The following HNF4G variants were observed in gnomAD, a reference collection of about 807,000 sequenced individuals.
HNF4G encodes hepatocyte nuclear factor 4-gamma.
Under a neutral mutation model 50.9 loss-of-function variants are expected in HNF4G, and 21 were observed. That is an observed-to-expected ratio of 0.41 (90% CI 0.29 to 0.59). The LOEUF is 0.59. HNF4G is among the 20% of genes least tolerant of loss of function. The probability of loss-of-function intolerance (pLI) is 0.26; values close to 1 mark genes in which losing one functional copy is unlikely to be tolerated. For missense variants in HNF4G, 527 were observed against 559.4 expected, an observed-to-expected ratio of 0.94 and a Z score of 0.58; for synonymous variants, 198 against 185.6, an observed-to-expected ratio of 1.07 and a Z score of -0.54.
At chr8:75,522,749 AGCC>A (rs565860562) in intron 2 of HNF4G, among the ~76,000 whole-genome samples, 24 of 152,310 alleles carry the variant, frequency 1.6e-4, no homozygotes, top group African/African-American at 5.5e-4. Context: ...CCACTGATGT[AGCC>A]GCCTGATGAT....
intron 3 of HNF4G, among the ~76,000 whole-genome samples, chr8:75,550,740 G>T (rs1806925015): frequency 6.6e-6 from 1 of 151,114 alleles, no homozygotes. Context: ...AGCAGATCTA[G>T]CTTTCTCTTA....
At position 75,558,915 on chromosome 8, in the gene HNF4G, A is replaced by C. The variant is rs141373967; in HGVS notation, c.1001A>C (p.Glu334Ala). 8 of 1,614,026 alleles carry C rather than the reference A, an allele frequency of 5.0e-6. No individual in the cohort carries two copies. The South Asian group carries it at 8.8e-5, about 18-fold the overall frequency. Residue 334 changes from glutamate (E) to alanine (A), a missense_variant, in exon 8 of 10, where the codon GAG becomes GCG. By Grantham distance (107) the Glu-to-Ala change is moderately radical. This residue lies in a region of HNF4G where 308 missense variants were observed against 301.5 expected (regional missense o/e 1.02). Coordinates refer to ENST00000396423, the MANE Select transcript of HNF4G (RefSeq NM_004133.5). ...TATGACTCCCGGGGGAGGTTTGGAG[A>C]GTTGCTTCTGCTCCTGCCCACACTG... ...RQYDSRGRFG[E>A]LLLLLPTLQS...
chr8:75,442,480 G>T (rs1271891684), intron 1 of HNF4G, among the ~76,000 whole-genome samples: 2 of 152,058 alleles, frequency 1.3e-5, no homozygotes, highest in African/African-American at 4.8e-5. Flanking sequence ...AGGCCAAGGT[G>T]GGAGGATCAC....
chr8:75,515,955 G>A (rs770130364), intron 2 of HNF4G, among the ~76,000 whole-genome samples: 1 of 152,162 alleles, frequency 6.6e-6, no homozygotes, highest in Non-Finnish European at 1.5e-5. Context: ...AGTAGAGACA[G>A]GGTTTCTCAT....
At chr8:75,544,530 CCTAA>C (rs1806716379) in intron 2 of HNF4G, among the ~76,000 whole-genome samples, 1 of 151,916 alleles carries the variant, frequency 6.6e-6, no homozygotes, top group Non-Finnish European at 1.5e-5. Flanking sequence ...AATTTTCAGT[CCTAA>C]AATTTAGAAT....
At chr8:75,484,401 C>T (rs1335294675) in intron 1 of HNF4G, among the ~76,000 whole-genome samples, 2 of 151,248 alleles carry the variant, frequency 1.3e-5, no homozygotes, top group African/African-American at 2.4e-5. Context: ...GTGGAAACAA[C>T]CTTTGAGTTC....
At chr8:75,495,769 C>T (rs143233592) in intron 2 of HNF4G, among the ~76,000 whole-genome samples, 78 of 152,086 alleles carry the variant, frequency 5.1e-4, no homozygotes, top group African/African-American at 1.9e-3. Flanking sequence ...AACTCCTGGC[C>T]TCAAGTGATC....
intron 1 of HNF4G, among the ~76,000 whole-genome samples, chr8:75,486,485 G>A (rs1812500881): frequency 6.6e-6 from 1 of 152,034 alleles, no homozygotes; most frequent in Admixed American, 6.6e-5. Flanking sequence ...AAGCCCTTAG[G>A]AAGAAAATAA....
intron 1 of HNF4G, among the ~76,000 whole-genome samples, chr8:75,448,281 G>T (rs1255216860): frequency 2.5e-4 from 29 of 116,738 alleles, no homozygotes; most frequent in Admixed American, 4.8e-4. Context: ...TGGGGACTGT[G>T]GTGGGGTGGG....
upstream of HNF4G, chr8:75,539,808 G>C: frequency 1.8e-6 from 1 of 548,758 alleles, no homozygotes; most frequent in Non-Finnish European, 3.3e-6. Flanking sequence ...TGCTGAAGAA[G>C]GTTACAGTTT....
intron 2 of HNF4G, among the ~76,000 whole-genome samples, chr8:75,525,590 C>A (rs2130754663): frequency 6.6e-6 from 1 of 152,314 alleles, no homozygotes; most frequent in African/African-American, 2.4e-5. Context: ...AGCCAGCTAG[C>A]TCCACAGGTT....
intron 2 of HNF4G, among the ~76,000 whole-genome samples, chr8:75,514,218 T>C (rs1805831279): frequency 6.6e-6 from 1 of 151,822 alleles, no homozygotes; most frequent in African/African-American, 2.4e-5. Context: ...GTATAATGAT[T>C]TTTTTTGGTC....
In HNF4G at chr8:75,553,076, T is replaced by A. The variant is rs1807009897; in HGVS notation, c.524T>A (p.Ile175Lys). ...TCAAGCCCTGGGTCAAGCACTGACA[T>A]AAACGTTAAGAAAATTGCAAGTATT... is the stretch of plus-strand genomic sequence containing the variant. ...SVSSPGSSTD[I>K]NVKKIASIGD... is the part of the protein sequence containing the mutation. Residue 175 changes from isoleucine (I) to lysine (K), a missense_variant, in exon 5 of 10, where the codon ATA becomes AAA. Physicochemically the swap from Ile to Lys is moderately radical, Grantham distance 102 (BLOSUM62 -3). Transcript: ENST00000396423. 1 of 1,612,582 alleles carries A rather than the reference T, an allele frequency of 6.2e-7. No homozygotes were observed. Among genetic ancestry groups the A allele is most frequent in the African/African-American group, 1.3e-5 (1 of 74,854 alleles).
intron 3 of HNF4G, among the ~76,000 whole-genome samples, chr8:75,548,347 A>G (rs1806851446): frequency 6.6e-6 from 1 of 152,144 alleles, no homozygotes. Context: ...CTTTTGATGA[A>G]CATTGAATGA....
chr8:75,528,632 T>C (rs1412835980), intron 2 of HNF4G, among the ~76,000 whole-genome samples: 3 of 152,168 alleles, frequency 2.0e-5, no homozygotes, highest in Non-Finnish European at 4.4e-5. Flanking sequence ...TTTAAAATGG[T>C]TCAATGCAGA....
chr8:75,418,185 A>C (rs1272233925), intron 1 of HNF4G, among the ~76,000 whole-genome samples: 1 of 152,052 alleles, frequency 6.6e-6, no homozygotes, highest in Non-Finnish European at 1.5e-5. Flanking sequence ...TGGTGTCCTC[A>C]TGTGGCCGCC....
At chr8:75,507,539 G>A (rs1311240949) in intron 2 of HNF4G, among the ~76,000 whole-genome samples, 6 of 152,182 alleles carry the variant, frequency 3.9e-5, no homozygotes, top group Admixed American at 3.3e-4. Context: ...GATTACAGGC[G>A]TGAGCCACTG....
intron 2 of HNF4G, among the ~76,000 whole-genome samples, chr8:75,508,678 A>G (rs966023893): frequency 6.6e-6 from 1 of 152,184 alleles, no homozygotes; most frequent in Admixed American, 6.5e-5. Flanking sequence ...TAGGGGAAGA[A>G]CAGATTGTAG....
intron 1 of HNF4G, among the ~76,000 whole-genome samples, chr8:75,467,101 T>G (rs566868235): frequency 1.4e-3 from 213 of 152,322 alleles, no homozygotes; most frequent in African/African-American, 4.9e-3. Context: ...TACATAATCT[T>G]CCTATACATT....
Sources: gnomAD v4.1 joint callset for allele counts (sites outside exome capture counted in the v4.1 genomes callset) on GRCh38, gnomAD v4.1.1 for gene constraint, gnomAD v4.1.1 regional missense constraint, MANE v1.5 for transcripts, NCBI Gene and HGNC (gene_info 2026-07-23, HGNC 2026-07-21) for gene names.